ATG5: variants seen among roughly 807,000 people sequenced by gnomAD.
ATG5 encodes autophagy protein 5.
ATG5 carries 14 observed loss-of-function variants against 36.5 expected under a neutral mutation model. The observed-to-expected ratio is 0.38, with a 90% CI of 0.25 to 0.60. The LOEUF (loss-of-function observed/expected upper bound fraction) is 0.60, where lower values mean the gene tolerates loss of function less well. ATG5 is among the 20% of genes least tolerant of loss of function. The probability of loss-of-function intolerance (pLI) is 0.60; values close to 1 mark genes in which losing one functional copy is unlikely to be tolerated. For missense variants in ATG5, 195 were observed against 326.7 expected, an observed-to-expected ratio of 0.60 and a Z score of 3.11; for synonymous variants, 95 against 101.5, an observed-to-expected ratio of 0.94 and a Z score of 0.38.
chr6:106,242,041 T>C (rs1778147476), intron 6 of ATG5, among the ~76,000 whole-genome samples: 1 of 151,932 alleles, frequency 6.6e-6, no homozygotes, highest in South Asian at 2.1e-4. Context: ...CTCCAGCAGA[T>C]GAATGGAGAA....
At chr6:106,291,315 T>C (rs544779646) in intron 4 of ATG5, among the ~76,000 whole-genome samples, 14 of 152,374 alleles carry the variant, frequency 9.2e-5, no homozygotes, top group Non-Finnish European at 1.8e-4. Flanking sequence ...TTACTCTAAG[T>C]GTGTGGTTAT....
At chr6:106,314,146 C>T (rs1562271345) in intron 2 of ATG5, among the ~76,000 whole-genome samples, 1 of 152,212 alleles carries the variant, frequency 6.6e-6, no homozygotes, top group Non-Finnish European at 1.5e-5. Context: ...AAACAACTTA[C>T]GCTCTAGTGC....
chr6:106,249,332 T>G (rs561893689), intron 5 of ATG5, among the ~76,000 whole-genome samples: 1 of 152,320 alleles, frequency 6.6e-6, no homozygotes, highest in Admixed American at 6.5e-5. Context: ...ACATTTCATA[T>G]AAATGAAGTA....
chr6:106,189,872 G>A (rs1446650820), intron 7 of ATG5, among the ~76,000 whole-genome samples: 1 of 152,060 alleles, frequency 6.6e-6, no homozygotes, highest in Non-Finnish European at 1.5e-5. Context: ...CTAGCTTGAA[G>A]CTTTAAGTTA....
chr6:106,229,370 CAGAG>C (rs1490796945), intron 6 of ATG5, among the ~76,000 whole-genome samples: 1 of 151,662 alleles, frequency 6.6e-6, no homozygotes. Flanking sequence ...AGAGAGGAAA[CAGAG>C]AGAGACAGAG....
intron 5 of ATG5, among the ~76,000 whole-genome samples, chr6:106,255,040 C>T (rs1408246499): frequency 6.6e-6 from 1 of 152,228 alleles, no homozygotes; most frequent in African/African-American, 2.4e-5. Context: ...AAGGTTCTAT[C>T]TTCTCACCCT....
chr6:106,264,323 C>T (rs1779146151), intron 5 of ATG5, among the ~76,000 whole-genome samples: 1 of 152,022 alleles, frequency 6.6e-6, no homozygotes, highest in Non-Finnish European at 1.5e-5. Context: ...CGAATGAAGC[C>T]TCCAAGAAAT....
At chr6:106,291,454 C>A (rs916202939) in intron 4 of ATG5, among the ~76,000 whole-genome samples, 1 of 152,190 alleles carries the variant, frequency 6.6e-6, no homozygotes, top group African/African-American at 2.4e-5. Context: ...GGGCCAATAA[C>A]ATCCTGATAT....
chr6:106,204,071 C>T (rs1055587051), intron 6 of ATG5, among the ~76,000 whole-genome samples: 5 of 151,976 alleles, frequency 3.3e-5, no homozygotes, highest in African/African-American at 1.2e-4. Flanking sequence ...ACACCAAGGC[C>T]TGTCGGGGAG....
intron 6 of ATG5, among the ~76,000 whole-genome samples, chr6:106,212,732 G>A (rs1776905536): frequency 6.6e-6 from 1 of 152,204 alleles, no homozygotes; most frequent in Non-Finnish European, 1.5e-5. Flanking sequence ...ACACAATTTT[G>A]AGATAATGAA....
chr6:106,286,029 C>T (rs1443560197), intron 4 of ATG5, among the ~76,000 whole-genome samples: 1 of 151,574 alleles, frequency 6.6e-6, no homozygotes, highest in Non-Finnish European at 1.5e-5. Context: ...CATCATAAGA[C>T]GTTCAGTATC....
chr6:106,242,160 A>G (rs1217502682), intron 6 of ATG5, among the ~76,000 whole-genome samples: 1 of 152,128 alleles, frequency 6.6e-6, no homozygotes, highest in African/African-American at 2.4e-5. Flanking sequence ...ACACACATTT[A>G]TAGAAGACAG....
intron 1 of ATG5, among the ~76,000 whole-genome samples, chr6:106,324,447 G>A (rs1186136297): frequency 6.6e-6 from 1 of 152,168 alleles, no homozygotes; most frequent in African/African-American, 2.4e-5. Context: ...GATGCCGAGG[G>A]ACAGGAAAGA....
At position 106,279,780 on chromosome 6, in the gene ATG5, G is replaced by A. The variant is rs1457699582; in HGVS notation, c.359C>T (p.Ala120Val). The A allele has an allele frequency of 6.2e-7, 1 of 1,604,844 alleles. No individual in the cohort carries two copies. The highest frequency in any genetic ancestry group is 1.1e-5 in the South Asian group (1 of 89,046). Residue 120 changes from alanine to valine, a missense_variant, in exon 5 of 8, where the codon GCA (alanine) becomes GTA (valine). Physicochemically the swap from Ala to Val is moderately conservative, Grantham distance 64. Coordinates refer to ENST00000369076, the MANE Select transcript of ATG5 (RefSeq NM_004849.4). ...KDLLHCPSKDAIEAHFMSCMK... is the reference protein window; with the variant it reads ...KDLLHCPSKDVIEAHFMSCMK... ...ACATGACATAAAATGAGCTTCAATT[G>A]CATCCTTAGATGGACAGTGCAGAAG...
Position 106,285,251 on chromosome 6 carries a change from A to C in ATG5, c.316-5428T>G, listed in dbSNP as rs9486313. ...AGATATTTTTCTAAGCAGTTCTACA[A>C]TTTTGTGGTTTTTTTAAGTTACTGA... is the stretch of plus-strand genomic sequence containing the variant. On this transcript the variant is annotated intron_variant, in intron 4 of 7. Transcript: ENST00000369076. Among the ~76,000 whole-genome samples the C allele has an allele frequency of 2.3e-3, 350 of 152,242 alleles. 1 individual carries two copies. Among genetic ancestry groups the C allele is most frequent in the African/African-American group, 8.0e-3 (334 of 41,532 alleles).
At chr6:106,247,550 C>T (rs1473402754) in intron 6 of ATG5, among the ~76,000 whole-genome samples, 2 of 152,182 alleles carry the variant, frequency 1.3e-5, no homozygotes, top group African/African-American at 2.4e-5. Flanking sequence ...ACACTGAAAT[C>T]ATCGCTCCTG....
intron 6 of ATG5, among the ~76,000 whole-genome samples, chr6:106,231,481 T>C (rs947171682): frequency 6.6e-6 from 1 of 152,134 alleles, no homozygotes; most frequent in Non-Finnish European, 1.5e-5. Context: ...ACATGGAGAT[T>C]GGTGCCGCAG....
intron 5 of ATG5, among the ~76,000 whole-genome samples, chr6:106,263,466 T>C (rs183371014): frequency 6.6e-6 from 1 of 152,150 alleles, no homozygotes; most frequent in African/African-American, 2.4e-5. Flanking sequence ...GAGGAGCTGA[T>C]CCTGACAAGA....
intron 6 of ATG5, among the ~76,000 whole-genome samples, chr6:106,202,945 G>A (rs965220878): frequency 6.6e-6 from 1 of 152,198 alleles, no homozygotes; most frequent in Non-Finnish European, 1.5e-5. Flanking sequence ...TTACAGGCGT[G>A]AGCCAACCGC....
Sources: allele counts gnomAD v4.1 joint callset (sites outside exome capture counted in the v4.1 genomes callset), GRCh38; gene constraint gnomAD v4.1.1; transcripts MANE v1.5; gene names NCBI Gene and HGNC (gene_info 2026-07-23, HGNC 2026-07-21).